Variants in RASAL2 observed in about 807,000 individuals in gnomAD.
The protein encoded by RASAL2 is ras GTPase-activating protein nGAP.
RASAL2 carries 58 observed loss-of-function variants against 128.9 expected under a neutral mutation model. That is an observed-to-expected ratio of 0.45 (90% confidence interval 0.36 to 0.56). The LOEUF (loss-of-function observed/expected upper bound fraction) is 0.56. Ranked by LOEUF, RASAL2 falls within the 20% of genes least tolerant of loss-of-function variation. The probability of loss-of-function intolerance (pLI) is 0.00; values close to 1 mark genes in which losing one functional copy is unlikely to be tolerated. For missense variants in RASAL2, 1,360 were observed against 1,601.6 expected, an observed-to-expected ratio of 0.85 and a Z score of 2.57; for synonymous variants, 561 against 580.8, an observed-to-expected ratio of 0.97 and a Z score of 0.49.
intron 1 of RASAL2, among the ~76,000 whole-genome samples, chr1:178,099,125 G>A (rs1658798295): frequency 1.3e-5 from 2 of 152,162 alleles, no homozygotes; most frequent in Non-Finnish European, 2.9e-5. Flanking sequence ...AACTAGTATG[G>A]CTAGAAGAAA....
At chr1:178,398,396 G>A (rs1394150383) in intron 4 of RASAL2, among the ~76,000 whole-genome samples, 1 of 152,066 alleles carries the variant, frequency 6.6e-6, no homozygotes, top group Non-Finnish European at 1.5e-5. Context: ...ATTCATACCT[G>A]TTAAATTGTT....
intron 1 of RASAL2, among the ~76,000 whole-genome samples, chr1:178,242,733 T>C (rs577892903): frequency 4.3e-4 from 65 of 152,284 alleles, no homozygotes; most frequent in Middle Eastern, 3.4e-3. Flanking sequence ...TTGGATCTTA[T>C]TTATTTATGT....
chr1:178,446,381 A>T (rs1443066964), intron 9 of RASAL2, among the ~76,000 whole-genome samples: 3 of 152,052 alleles, frequency 2.0e-5, no homozygotes, highest in Admixed American at 6.5e-5. Flanking sequence ...GAATACTTTT[A>T]TTTATTTTTA....
chr1:178,390,061 G>C, intron 3 of RASAL2, 39 bp from the exon 4 acceptor site: 1 of 1,365,346 alleles, frequency 7.3e-7, no homozygotes, highest in Non-Finnish European at 1.0e-6. Flanking sequence ...CTAAATTTGG[G>C]GTTCTTAATG....
intron 3 of RASAL2, among the ~76,000 whole-genome samples, chr1:178,308,670 C>G (rs1668107261): frequency 6.6e-6 from 1 of 151,484 alleles, no homozygotes; most frequent in African/African-American, 2.4e-5. Flanking sequence ...CTCCACCTGC[C>G]AAGCAACTGA....
At chr1:178,400,507 G>C (rs1189290905) in intron 4 of RASAL2, among the ~76,000 whole-genome samples, 1 of 152,026 alleles carries the variant, frequency 6.6e-6, no homozygotes. Context: ...GCCTTCCCTA[G>C]TCTGTGATAT....
chr1:178,224,213 G>T (rs1303861180), intron 1 of RASAL2, among the ~76,000 whole-genome samples: 1 of 150,628 alleles, frequency 6.6e-6, no homozygotes, highest in Non-Finnish European at 1.5e-5. Context: ...AGAGGTTAGG[G>T]GAAAACTAGA....
chr1:178,301,787 A>G (rs1667778856), intron 3 of RASAL2, among the ~76,000 whole-genome samples: 1 of 152,142 alleles, frequency 6.6e-6, no homozygotes, highest in Non-Finnish European at 1.5e-5. Context: ...GTTTTGACCC[A>G]TAAAAGTCAA....
chr1:178,310,631 A>T (rs1668199609), intron 3 of RASAL2, among the ~76,000 whole-genome samples: 1 of 152,096 alleles, frequency 6.6e-6, no homozygotes, highest in African/African-American at 2.4e-5. Flanking sequence ...GAGGTGCGAG[A>T]CCACAATTCT....
chr1:178,456,561 C>T (rs1677787479), intron 12 of RASAL2, 160 bp from the exon 13 acceptor site: 2 of 759,270 alleles, frequency 2.6e-6, no homozygotes. Flanking sequence ...TTCTGCTGCT[C>T]CATAACAATG....
intron 1 of RASAL2, among the ~76,000 whole-genome samples, chr1:178,176,807 G>C (rs1048575897): frequency 4.6e-5 from 7 of 151,848 alleles, no homozygotes; most frequent in Non-Finnish European, 7.4e-5. Context: ...CACCATGCCT[G>C]GCTAATTCTT....
At chr1:178,428,801 CA>C (rs1675695621) in intron 5 of RASAL2, among the ~76,000 whole-genome samples, 1 of 152,034 alleles carries the variant, frequency 6.6e-6, no homozygotes, top group South Asian at 2.1e-4. Context: ...ACACTTGCCC[CA>C]GCCAAACCAG....
intron 1 of RASAL2, among the ~76,000 whole-genome samples, chr1:178,219,828 G>T (rs1032390323): frequency 6.6e-6 from 1 of 151,886 alleles, no homozygotes; most frequent in Non-Finnish European, 1.5e-5. Flanking sequence ...GCCATTGTAG[G>T]GTGATATGGT....
At chr1:178,227,818 G>A (rs1024727684) in intron 1 of RASAL2, among the ~76,000 whole-genome samples, 6 of 152,172 alleles carry the variant, frequency 3.9e-5, no homozygotes, top group African/African-American at 1.4e-4. Context: ...TGGCAGAAAT[G>A]TTCTTGTTCT....
chr1:178,148,398 A>G (rs1428538911), intron 1 of RASAL2, among the ~76,000 whole-genome samples: 1 of 152,044 alleles, frequency 6.6e-6, no homozygotes, highest in Admixed American at 6.6e-5. Context: ...TTAAACGCAT[A>G]GTCAATAGGC....
Position 178,457,807 on chromosome 1 carries a change from G to A in RASAL2, c.2515G>A (p.Glu839Lys), listed in dbSNP as rs1382855913. The A allele has an allele frequency of 6.2e-7, 1 of 1,614,222 alleles. No homozygotes were observed. The highest frequency in any genetic ancestry group is 2.2e-5 in the East Asian group (1 of 44,878). Reference sequence around the variant, plus strand: ...GACTTATTCTGAAAAGGATGAAAGGGAAAGTAGCCTTCCTAATGGTCGGAG... The same window carrying A: ...GACTTATTCTGAAAAGGATGAAAGGAAAAGTAGCCTTCCTAATGGTCGGAG... ...SMTYSEKDER[E>K]SSLPNGRSVS... is the part of the protein sequence containing the mutation. Residue 839 changes from glutamate to lysine, a missense_variant, in exon 14 of 18, where the codon GAA becomes AAA. Glu to Lys is a moderately conservative substitution (Grantham distance 56, BLOSUM62 1). This residue lies in a region of RASAL2 where 741 missense variants were observed against 868.6 expected (regional missense o/e 0.85). Transcript: ENST00000367649.
At chr1:178,359,606 C>T (rs1670999765) in intron 3 of RASAL2, among the ~76,000 whole-genome samples, 1 of 152,260 alleles carries the variant, frequency 6.6e-6, no homozygotes, top group African/African-American at 2.4e-5. Flanking sequence ...TAACTATGTG[C>T]AGAAAAACTT....
intron 1 of RASAL2, among the ~76,000 whole-genome samples, chr1:178,234,376 G>T (rs1342588307): frequency 6.6e-6 from 1 of 152,066 alleles, no homozygotes; most frequent in Admixed American, 6.6e-5. Flanking sequence ...TAATTTGCTT[G>T]TATCATAAAA....
intron 1 of RASAL2, among the ~76,000 whole-genome samples, chr1:178,249,939 C>T (rs967103357): frequency 6.6e-6 from 1 of 152,170 alleles, no homozygotes; most frequent in East Asian, 1.9e-4. Flanking sequence ...CTGGAAGCTT[C>T]GTCCCAGAGG....
Sources: gnomAD v4.1 joint callset for allele counts (sites outside exome capture counted in the v4.1 genomes callset) on GRCh38, gnomAD v4.1.1 for gene constraint, gnomAD v4.1.1 regional missense constraint, MANE v1.5 for transcripts, NCBI Gene and HGNC (gene_info 2026-07-23, HGNC 2026-07-21) for gene names.